The following SLC4A4 variants were observed in gnomAD, a reference collection of about 807,000 sequenced individuals.
The protein encoded by SLC4A4 is electrogenic sodium bicarbonate cotransporter 1.
In SLC4A4, 27 loss-of-function variants were observed where a neutral mutation model predicts 111.5. The ratio of observed to expected loss-of-function variants is 0.24; its 90% CI spans 0.18 to 0.33. The LOEUF is 0.33. Among genes scored for constraint, SLC4A4 ranks in the 10% least tolerant of loss-of-function variants. The probability of loss-of-function intolerance (pLI) is 1.00; values close to 1 mark genes in which losing one functional copy is unlikely to be tolerated. For synonymous variants in SLC4A4, 443 were observed against 463.4 expected, an observed-to-expected ratio of 0.96 and a Z score of 0.57; for missense variants, 909 against 1,315.5, an observed-to-expected ratio of 0.69 and a Z score of 4.78.
At chr4:71,282,406 C>T (rs1299912510) in intron 3 of SLC4A4, among the ~76,000 whole-genome samples, 1 of 151,868 alleles carries the variant, frequency 6.6e-6, no homozygotes, top group Non-Finnish European at 1.5e-5. Context: ...CTGCTTCAGC[C>T]TCCTGAGTAG....
intron 14 of SLC4A4, among the ~76,000 whole-genome samples, chr4:71,485,971 A>T: frequency 6.6e-6 from 1 of 151,468 alleles, no homozygotes; most frequent in East Asian, 2.0e-4. Flanking sequence ...GTTTCTTCTT[A>T]AAGGTTTATA....
At chr4:71,418,178 G>T (rs1362936684) in intron 7 of SLC4A4, among the ~76,000 whole-genome samples, 2 of 152,122 alleles carry the variant, frequency 1.3e-5, no homozygotes, top group Non-Finnish European at 2.9e-5. Context: ...CAGAACTAAT[G>T]GATTGTACTT....
chr4:71,552,881 A>G (rs969338632), intron 20 of SLC4A4, among the ~76,000 whole-genome samples: 6 of 151,924 alleles, frequency 3.9e-5, no homozygotes, highest in African/African-American at 1.2e-4. Flanking sequence ...TTAACTTAAG[A>G]TGGAGTTCCA....
intron 2 of SLC4A4, among the ~76,000 whole-genome samples, chr4:71,137,516 G>C (rs1743877082): frequency 6.6e-6 from 1 of 152,100 alleles, no homozygotes; most frequent in Admixed American, 6.6e-5. Flanking sequence ...AAGATACAAG[G>C]TCCTTTAACC....
At chr4:71,247,650 A>G (rs908609494) in intron 2 of SLC4A4, among the ~76,000 whole-genome samples, 9 of 152,136 alleles carry the variant, frequency 5.9e-5, no homozygotes, top group East Asian at 1.9e-4. Context: ...TTCCAACCCT[A>G]CTTCCCATTC....
At chr4:71,453,292 T>A (rs953325570) in intron 11 of SLC4A4, among the ~76,000 whole-genome samples, 1 of 152,196 alleles carries the variant, frequency 6.6e-6, no homozygotes, top group African/African-American at 2.4e-5. Flanking sequence ...ATGTGACACC[T>A]AATTTGGTGA....
At chr4:71,246,913 G>A (rs901232927) in intron 2 of SLC4A4, among the ~76,000 whole-genome samples, 9 of 152,070 alleles carry the variant, frequency 5.9e-5, no homozygotes, top group African/African-American at 2.2e-4. Flanking sequence ...AAATGAAGAG[G>A]CTGAACCGGT....
At chr4:71,195,244 T>G (rs3100215) in intron 1 of SLC4A4, among the ~76,000 whole-genome samples, 8 of 139,010 alleles carry the variant, frequency 5.8e-5, no homozygotes, top group Admixed American at 1.6e-4. Flanking sequence ...TTTTTTTTTT[T>G]TTTTTTTTTT....
At chr4:71,491,385 C>T (rs1438101265) in intron 15 of SLC4A4, among the ~76,000 whole-genome samples, 1 of 151,856 alleles carries the variant, frequency 6.6e-6, no homozygotes, top group Non-Finnish European at 1.5e-5. Context: ...TTCATTGTAA[C>T]GTTGATGAAA....
chr4:71,514,756 A>T (rs1732227914), intron 16 of SLC4A4, among the ~76,000 whole-genome samples: 1 of 152,102 alleles, frequency 6.6e-6, no homozygotes, highest in African/African-American at 2.4e-5. Context: ...CATTTCCTCT[A>T]GGTTTTCTAG....
chr4:71,452,643 C>G (rs1725870942), intron 11 of SLC4A4, among the ~76,000 whole-genome samples: 1 of 152,076 alleles, frequency 6.6e-6, no homozygotes, highest in South Asian at 2.1e-4. Flanking sequence ...AGGCAGAAGC[C>G]CTGGGGAAGA....
rs569492544 is a variant in SLC4A4, at chr4:71,387,037, T to G, written c.731-10540T>G. On this transcript the variant is annotated intron_variant, in intron 6 of 25. Transcript: ENST00000264485. ...GCAGAGCCCTGCAGTGTAAATGCTT[T>G]GGCTTCTGGGTATTCTGCCCAATGG... 4.6e-5 allele frequency among the ~76,000 whole-genome samples: 7 copies of G among 152,342 alleles called. No individual in the cohort carries two copies. In the South Asian group the frequency reaches 1.4e-3, roughly 32 times the overall value.
intron 8 of SLC4A4, among the ~76,000 whole-genome samples, chr4:71,443,212 G>A (rs1166141596): frequency 2.0e-5 from 3 of 147,928 alleles, no homozygotes; most frequent in South Asian, 2.2e-4. Context: ...GTGCAGTGGC[G>A]TGATCTTGGC....
intron 6 of SLC4A4, among the ~76,000 whole-genome samples, chr4:71,360,252 G>A (rs1275384596): frequency 6.6e-6 from 1 of 152,054 alleles, no homozygotes; most frequent in East Asian, 1.9e-4. Flanking sequence ...TTCCCTCAGT[G>A]ACTATACTGG....
intron 2 of SLC4A4, among the ~76,000 whole-genome samples, chr4:71,130,491 G>C (rs1227552220): frequency 6.6e-6 from 1 of 152,062 alleles, no homozygotes; most frequent in African/African-American, 2.4e-5. Flanking sequence ...TCCCACCTCG[G>C]CCTCCCAAAG....
At chr4:71,344,500 C>T (rs1729159164) in intron 4 of SLC4A4, among the ~76,000 whole-genome samples, 1 of 152,114 alleles carries the variant, frequency 6.6e-6, no homozygotes, top group African/African-American at 2.4e-5. Flanking sequence ...ATCCATTTTA[C>T]ATATGAAGAT....
chr4:71,439,133 T>G (rs946491777), intron 7 of SLC4A4, among the ~76,000 whole-genome samples: 3 of 152,008 alleles, frequency 2.0e-5, no homozygotes, highest in African/African-American at 7.2e-5. Context: ...GTAACAGCTC[T>G]TGTCAAGATC....
At chr4:71,175,876 C>T (rs1045427942) in intron 2 of SLC4A4, among the ~76,000 whole-genome samples, 1 of 152,190 alleles carries the variant, frequency 6.6e-6, no homozygotes, top group Admixed American at 6.5e-5. Context: ...AGACAGACTG[C>T]CTCCTCAAGT....
At chr4:71,532,446 T>C (rs1298434036) in intron 17 of SLC4A4, among the ~76,000 whole-genome samples, 2 of 152,122 alleles carry the variant, frequency 1.3e-5, no homozygotes, top group Non-Finnish European at 2.9e-5. Flanking sequence ...ATATTTTATA[T>C]AACTTATTAC....
Sources: allele counts gnomAD v4.1 joint callset (sites outside exome capture counted in the v4.1 genomes callset), GRCh38; gene constraint gnomAD v4.1.1; transcripts MANE v1.5; gene names NCBI Gene and HGNC (gene_info 2026-07-23, HGNC 2026-07-21).